Variants in PCNT observed in about 807,000 individuals in gnomAD.
PCNT encodes pericentrin, also known as kendrin.
PCNT carries 319 observed loss-of-function variants against 380.4 expected under a neutral mutation model. The observed-to-expected ratio is 0.84, with a 90% CI of 0.77 to 0.92. PCNT has a LOEUF of 0.92. Among genes scored for constraint, PCNT ranks in the 40% least tolerant of loss-of-function variants. PCNT has a pLI of 0.00. For missense variants in PCNT, 4,400 were observed against 4,255.3 expected (o/e 1.03, Z -0.95); for synonymous variants, 1,845 against 1,735.2 (o/e 1.06, Z -1.57).
intron 15 of PCNT, among the ~76,000 whole-genome samples, chr21:46,379,439 C>CT (rs1023654741): frequency 3.3e-5 from 5 of 152,200 alleles, no homozygotes; most frequent in African/African-American, 9.7e-5. Context: ...GTGTGGGTCT[C>CT]TGTCAGTTTG....
intron 15 of PCNT, among the ~76,000 whole-genome samples, chr21:46,379,500 T>G (rs1003780177): frequency 3.9e-5 from 6 of 152,176 alleles, no homozygotes; most frequent in Non-Finnish European, 2.9e-5. Flanking sequence ...ATTTTTATTA[T>G]TATTGTTATT....
Position 46,363,692 on chromosome 21 carries a change from T to C in PCNT, c.2367T>C (p.Phe789=). The C allele has an allele frequency of 6.2e-7, 1 of 1,614,204 alleles. No individual in the cohort carries two copies. The highest frequency in any genetic ancestry group is 8.5e-7 in the Non-Finnish European group (1 of 1,180,040). The change falls in exon 14 of 47, where the codon TTT becomes TTC. Residue 789 remains phenylalanine (F), a synonymous_variant. Coordinates refer to ENST00000359568, the MANE Select transcript of PCNT (RefSeq NM_006031.6). ...ESEKQTIINK[F]ELREAEMRQL... ...AGAAACAGACCATCATAAACAAGTT[T>C]GAGCTTCGAGAAGCTGAAATGAGGC... is the stretch of plus-strand genomic sequence containing the variant.
chr21:46,347,660 C>G, intron 6 of PCNT, 148 bp downstream of exon 6: 1 of 761,420 alleles, frequency 1.3e-6, no homozygotes, highest in South Asian at 1.5e-5. Flanking sequence ...GTATTGCGTT[C>G]TTTGTTTATT....
chr21:46,333,977 CGGGCGGATCACGA>C (rs966112709), intron 2 of PCNT, among the ~76,000 whole-genome samples: 4 of 151,950 alleles, frequency 2.6e-5, no homozygotes, highest in African/African-American at 9.7e-5. Context: ...GAGGCCAAGG[CGGGCGGATCACGA>C]GGTCAGGAGA....
rs953683481 is a variant in PCNT at position 46,402,329 on chromosome 21, A to G, written c.4963-2A>G. On this transcript the variant is annotated splice_acceptor_variant, in intron 26 of 46. Transcript: ENST00000359568. LOFTEE classifies it high-confidence loss of function. ...ACTTTTCTTCTTTTGTTTTAATGAAAGGTTTTGGACTTAAAAGAACAGCTA... is the reference window on the plus strand; with the variant it reads ...ACTTTTCTTCTTTTGTTTTAATGAAGGGTTTTGGACTTAAAAGAACAGCTA... The G allele has an allele frequency of 2.5e-6, 4 of 1,588,700 alleles. No homozygotes were observed. Among genetic ancestry groups the G allele is most frequent in the Non-Finnish European group, 3.5e-6 (4 of 1,157,620 alleles).
chr21:46,402,113 C>CA (rs1196347972), intron 26 of PCNT, among the ~76,000 whole-genome samples: 1 of 133,680 alleles, frequency 7.5e-6, no homozygotes, highest in Non-Finnish European at 1.6e-5. Context: ...TTGAGCCTCT[C>CA]AAAGTGCTGG....
At chr21:46,342,904 GTATTT>G (rs1363197411) in intron 3 of PCNT, among the ~76,000 whole-genome samples, 4 of 152,166 alleles carry the variant, frequency 2.6e-5, no homozygotes, top group East Asian at 3.8e-4. Flanking sequence ...ATATTCCTAA[GTATTT>G]TATTTTATTT....
In PCNT at chr21:46,349,823, G is replaced by A. The variant is rs778866648; in HGVS notation, c.1344+3G>A. 1 of 1,613,882 alleles carries A rather than the reference G, an allele frequency of 6.2e-7. No individual in the cohort carries two copies. Among genetic ancestry groups the A allele is most frequent in the South Asian group, 1.1e-5 (1 of 91,084 alleles). On this transcript the variant is annotated splice_donor_region_variant and intron_variant, in intron 8 of 46. Transcript: ENST00000359568. Reference sequence around the variant, plus strand: ...GCGAGAAAGAAAAACAGCTGGAGGTGGGCAGCAGCTTCGTTATTTAATTAC... The same window carrying A: ...GCGAGAAAGAAAAACAGCTGGAGGTAGGCAGCAGCTTCGTTATTTAATTAC...
intron 2 of PCNT, among the ~76,000 whole-genome samples, chr21:46,334,025 T>A (rs1490516740): frequency 2.0e-5 from 3 of 151,792 alleles, no homozygotes; most frequent in Admixed American, 6.6e-5. Context: ...GCTAACATGG[T>A]GAAACCCTGT....
rs924903931 is a variant in PCNT at position 46,371,214 on chromosome 21, C to CT, written c.3165+4094dup. On this transcript the variant is annotated intron_variant, in intron 15 of 46. Transcript: ENST00000359568. The stretch of plus-strand genomic sequence containing the variant: ...ACAGTATGGTTTATTTTCTTTCTTT[C>CT]TTTTTTTTTTTTTTTTTTTAAAGAC... Among the ~76,000 whole-genome samples the CT allele has an allele frequency of 7.2e-3, 990 of 136,816 alleles. 8 individuals carry two copies. The highest frequency in any genetic ancestry group is 0.022 in the African/African-American group (802 of 36,898). 89.8% of individuals were successfully genotyped at this position (136,816 alleles called of 152,430 possible).
chr21:46,379,283 G>A (rs763528642), intron 15 of PCNT, among the ~76,000 whole-genome samples: 4 of 151,848 alleles, frequency 2.6e-5, no homozygotes, highest in African/African-American at 7.3e-5. Context: ...GTCGTGAGCC[G>A]CGCCCGTCTT....
Position 46,432,026 on chromosome 21 carries a change from A to G in PCNT, c.8562A>G (p.Lys2854=). 6.2e-7 allele frequency: 1 copy of G among 1,613,936 alleles called. No individual in the cohort carries two copies. The highest frequency in any genetic ancestry group is 1.3e-5 in the African/African-American group (1 of 75,056). The part of the protein sequence containing the change: ...KSTVEALHTQ[K]RELRCSLERE... ...CGGTGGAAGCCCTGCACACCCAAAA[A>G]CGAGAGCTGAGATGCTCTCTGGAGA... is the stretch of plus-strand genomic sequence containing the variant. Residue 2854 remains lysine, a synonymous_variant, in exon 38 of 47, where the codon AAA becomes AAG. Coordinates refer to ENST00000359568, the MANE Select transcript of PCNT (RefSeq NM_006031.6).
chr21:46,381,744 A>G lies in PCNT; in HGVS notation c.3216A>G (p.Thr1072=), dbSNP rs765627204. 4.3e-6 allele frequency: 7 copies of G among 1,614,142 alleles called. No individual in the cohort carries two copies. The highest frequency in any genetic ancestry group is 3.3e-5 in the South Asian group (3 of 91,082). ...CTGCTTTGCATGAAAAAGAGGAGAC[A>G]CTTCGGCTTCAGAGTGCACAGGCAC... ...KKTALHEKEE[T]LRLQSAQAQP... is the part of the protein sequence containing the mutation. The change falls in exon 16 of 47, where the codon ACA becomes ACG. Residue 1072 remains threonine (T), a synonymous_variant. Transcript: ENST00000359568.
chr21:46,409,117 A>G (rs1003065452), intron 27 of PCNT, among the ~76,000 whole-genome samples: 2 of 151,164 alleles, frequency 1.3e-5, no homozygotes, highest in Admixed American at 6.6e-5. Context: ...CATGATTTGC[A>G]GGTATTTTCT....
At chr21:46,346,273 G>A in intron 4 of PCNT, 65 bp downstream of exon 4, 3 of 852,816 alleles carry the variant, frequency 3.5e-6, no homozygotes, top group Non-Finnish European at 5.9e-6. Flanking sequence ...GGCACAGTGG[G>A]CATCCGGGTG....
At chr21:46,429,908 C>A in intron 35 of PCNT, 102 bp from the exon 36 acceptor site, 3 of 870,018 alleles carry the variant, frequency 3.4e-6, no homozygotes, top group African/African-American at 1.7e-5. Flanking sequence ...CTTCCCGAAG[C>A]ACATACACCT....
chr21:46,360,805 A>T (rs1047264479), intron 13 of PCNT, among the ~76,000 whole-genome samples: 1 of 152,076 alleles, frequency 6.6e-6, no homozygotes, highest in African/African-American at 2.4e-5. Flanking sequence ...GGCGTGAGCC[A>T]CCACGCCTGG....
At chr21:46,398,920 C>T (rs573695758) in intron 24 of PCNT, among the ~76,000 whole-genome samples, 20 of 150,616 alleles carry the variant, frequency 1.3e-4, no homozygotes, top group South Asian at 4.2e-4. Flanking sequence ...CCCGGGTTCA[C>T]GCCATTCTCC....
chr21:46,355,578 G>A lies in PCNT; in HGVS notation c.1888G>A (p.Ala630Thr), dbSNP rs986974174. 1.2e-6 allele frequency: 2 copies of A among 1,614,156 alleles called. No homozygotes were observed. The highest frequency in any genetic ancestry group is 1.7e-6 in the Non-Finnish European group (2 of 1,180,038). ...AGACAGATGCTGCGTAGAGACTTCA[G>A]CATTGGGACACGAGTGGCGTCTGGA... is the stretch of plus-strand genomic sequence containing the variant. ...VSDRCCVETS[A>T]LGHEWRLEPS... The change falls in exon 12 of 47, where the codon GCA becomes ACA. Residue 630 changes from alanine (A) to threonine (T), a missense_variant. By Grantham distance (58) the Ala-to-Thr change is moderately conservative (BLOSUM62 0). Transcript: ENST00000359568.
Sources: allele counts gnomAD v4.1 joint callset (sites outside exome capture counted in the v4.1 genomes callset), GRCh38; gene constraint gnomAD v4.1.1; transcripts MANE v1.5; gene names NCBI Gene and HGNC (gene_info 2026-07-23, HGNC 2026-07-21).